The following PHTF2 variants were observed in gnomAD, a reference collection of about 807,000 sequenced individuals.
The protein encoded by PHTF2 is putative homeodomain transcription factor 2, also known as protein PHTF2.
Under a neutral mutation model 101.2 loss-of-function variants are expected in PHTF2, and 60 were observed. That is an observed-to-expected ratio of 0.59 (90% CI 0.48 to 0.73). The LOEUF is 0.73. PHTF2 is among the 30% of genes least tolerant of loss of function. The pLI is 0.00. For synonymous variants in PHTF2, 311 were observed against 307.3 expected, an observed-to-expected ratio of 1.01 and a Z score of -0.13; for missense variants, 747 against 908.7, an observed-to-expected ratio of 0.82 and a Z score of 2.29.
intron 13 of PHTF2, among the ~76,000 whole-genome samples, chr7:77,938,533 A>G (rs1347910599): frequency 6.6e-6 from 1 of 151,962 alleles, no homozygotes; most frequent in Non-Finnish European, 1.5e-5. Context: ...GATCGAGACC[A>G]TCCTGGCTAA....
intron 12 of PHTF2, among the ~76,000 whole-genome samples, chr7:77,936,273 A>G (rs1324819313): frequency 6.6e-6 from 1 of 152,190 alleles, no homozygotes; most frequent in African/African-American, 2.4e-5. Flanking sequence ...TCCTCTAAAG[A>G]ATAAATGTAC....
In PHTF2 at chr7:77,820,798, C is replaced by A. The variant is rs539616606; in HGVS notation, c.-35-19423C>A. ...ATTGATAAGTGAGGCCTTCTCCTGT[C>A]ATTTTATTGATTGTTTTCTTCTTGT... On this transcript the variant is annotated intron_variant, in intron 1 of 19. Coordinates refer to ENST00000416283, the Ensembl canonical transcript of PHTF2. Among the ~76,000 whole-genome samples, 4 of 152,310 alleles carry A rather than the reference C, an allele frequency of 2.6e-5. No homozygotes were observed. In the East Asian group the frequency reaches 7.7e-4, roughly 29 times the overall value.
At chr7:77,934,196 C>T (rs142870170) in intron 12 of PHTF2, among the ~76,000 whole-genome samples, 27 of 152,218 alleles carry the variant, frequency 1.8e-4, no homozygotes, top group East Asian at 1.2e-3. Flanking sequence ...AATCCCTTCT[C>T]ATGAAAAAAC....
chr7:77,817,189 T>G (rs942778297), intron 1 of PHTF2, among the ~76,000 whole-genome samples: 5 of 152,228 alleles, frequency 3.3e-5, no homozygotes, highest in Admixed American at 2.6e-4. Context: ...CTACCAAATG[T>G]GTAAGAGTTC....
At chr7:77,840,126 C>T in intron 1 of PHTF2, 95 bp from the exon 2 acceptor site, 1 of 632,566 alleles carries the variant, frequency 1.6e-6, no homozygotes, top group East Asian at 2.7e-5. Flanking sequence ...ACCCCTTGCT[C>T]TGCAAGTAAC....
intron 1 of PHTF2, among the ~76,000 whole-genome samples, chr7:77,832,309 T>C (rs2150554490): frequency 6.6e-6 from 1 of 152,294 alleles, no homozygotes; most frequent in East Asian, 1.9e-4. Context: ...ACCTTCTTTC[T>C]CCCAGCTGGT....
chr7:77,950,331 G>A (rs1422392932), intron 17 of PHTF2, among the ~76,000 whole-genome samples: 2 of 152,104 alleles, frequency 1.3e-5, no homozygotes, highest in African/African-American at 2.4e-5. Context: ...GCTCAAACAG[G>A]AGAGTAACCC....
intron 11 of PHTF2, chr7:77,923,279 A>T: frequency 1.1e-6 from 1 of 904,410 alleles, no homozygotes; most frequent in Non-Finnish European, 1.3e-6. Flanking sequence ...TGAGCTTCAA[A>T]TTGTTTAAAT....
chr7:77,947,311 C>T (rs1806135134), intron 16 of PHTF2, among the ~76,000 whole-genome samples: 1 of 151,942 alleles, frequency 6.6e-6, no homozygotes, highest in South Asian at 2.1e-4. Flanking sequence ...CCTATAATCC[C>T]AGCACTTTGG....
intron 3 of PHTF2, among the ~76,000 whole-genome samples, chr7:77,855,305 T>C (rs934662529): frequency 1.3e-5 from 2 of 152,228 alleles, no homozygotes; most frequent in African/African-American, 4.8e-5. Flanking sequence ...CTCTGCCCAG[T>C]GCCCTATTCT....
At chr7:77,923,092 A>G (rs1803635417) in intron 11 of PHTF2, 7 of 1,035,562 alleles carry the variant, frequency 6.8e-6, no homozygotes, top group Non-Finnish European at 8.1e-6. Flanking sequence ...TTTTTCCACA[A>G]TTTGAAAGGC....
chr7:77,816,999 G>A (rs563652464), intron 1 of PHTF2, among the ~76,000 whole-genome samples: 2 of 152,108 alleles, frequency 1.3e-5, no homozygotes, highest in South Asian at 4.1e-4. Context: ...TCCATATCTT[G>A]ACTATTGTGA....
intron 3 of PHTF2, among the ~76,000 whole-genome samples, chr7:77,878,953 GT>G (rs1441308484): frequency 6.6e-6 from 1 of 152,156 alleles, no homozygotes; most frequent in Non-Finnish European, 1.5e-5. Context: ...GTAGGTGGAT[GT>G]TATCTAGTTC....
chr7:77,888,037 T>C (rs1800023003), intron 3 of PHTF2, among the ~76,000 whole-genome samples: 3 of 152,240 alleles, frequency 2.0e-5, no homozygotes. Context: ...CCATTACTTG[T>C]ACGTTAATTA....
At chr7:77,893,371 G>T (rs1800607540) in intron 3 of PHTF2, among the ~76,000 whole-genome samples, 1 of 152,096 alleles carries the variant, frequency 6.6e-6, no homozygotes, top group African/African-American at 2.4e-5. Flanking sequence ...TGTAACTCTG[G>T]AGTGGGGCCT....
intron 3 of PHTF2, among the ~76,000 whole-genome samples, chr7:77,870,689 C>T (rs1379729768): frequency 6.6e-6 from 1 of 152,134 alleles, no homozygotes; most frequent in Non-Finnish European, 1.5e-5. Flanking sequence ...GTCAAGTTTG[C>T]ACTCAGTATT....
At chr7:77,855,504 G>A (rs1797104620) in intron 3 of PHTF2, among the ~76,000 whole-genome samples, 1 of 152,222 alleles carries the variant, frequency 6.6e-6, no homozygotes, top group African/African-American at 2.4e-5. Context: ...TGGGTTGCAT[G>A]CACGCCAAGT....
Position 77,888,564 on chromosome 7 carries a change from G to A in PHTF2, c.148-5044G>A, listed in dbSNP as rs562218045. ...AGGAGGTATCAAAAATTTCGAAGTC[G>A]TCAAAATATTACATAGTATTTATTT... On this transcript the variant is annotated intron_variant, in intron 3 of 19. Coordinates refer to ENST00000416283, the Ensembl canonical transcript of PHTF2. 4.4e-4 allele frequency among the ~76,000 whole-genome samples: 67 copies of A among 152,276 alleles called. 1 individual carries two copies. The highest frequency in any genetic ancestry group is 1.5e-3 in the African/African-American group (62 of 41,550).
chr7:77,934,334 C>T (rs1313618691), intron 12 of PHTF2, among the ~76,000 whole-genome samples: 2 of 152,078 alleles, frequency 1.3e-5, no homozygotes, highest in Non-Finnish European at 2.9e-5. Context: ...CTCCTATAGC[C>T]CTCCTCTATA....
Sources: allele counts gnomAD v4.1 joint callset (sites outside exome capture counted in the v4.1 genomes callset), GRCh38; gene constraint gnomAD v4.1.1; transcripts MANE v1.5; gene names NCBI Gene and HGNC (gene_info 2026-07-23, HGNC 2026-07-21).